The following EXT1 variants were observed in gnomAD, a reference collection of about 807,000 sequenced individuals.
EXT1 encodes exostosin-1.
In EXT1, 20 loss-of-function variants were observed where a neutral mutation model predicts 82.5. The ratio of observed to expected loss-of-function variants is 0.24; its 90% confidence interval spans 0.17 to 0.35. EXT1 has a LOEUF of 0.35. Among genes scored for constraint, EXT1 ranks in the 10% least tolerant of loss-of-function variants. The probability of loss-of-function intolerance (pLI) is 1.00; values close to 1 mark genes in which losing one functional copy is unlikely to be tolerated. For synonymous variants in EXT1, 348 were observed against 350.8 expected (o/e 0.99, Z 0.09); for missense variants, 757 against 936.5 (o/e 0.81, Z 2.50).
At chr8:117,980,139 C>A (rs905534714) in intron 1 of EXT1, among the ~76,000 whole-genome samples, 5 of 152,086 alleles carry the variant, frequency 3.3e-5, no homozygotes, top group African/African-American at 1.2e-4. Context: ...ACAGAGAATT[C>A]CACATTGCTG....
intron 1 of EXT1, among the ~76,000 whole-genome samples, chr8:117,892,873 G>C (rs774258706): frequency 2.0e-5 from 3 of 152,188 alleles, no homozygotes; most frequent in Non-Finnish European, 2.9e-5. Flanking sequence ...GCAAGGTTTT[G>C]GCCTGAGGAA....
chr8:117,823,028 C>G (rs1256377954), intron 4 of EXT1, among the ~76,000 whole-genome samples: 1 of 152,128 alleles, frequency 6.6e-6, no homozygotes, highest in Non-Finnish European at 1.5e-5. Context: ...AAACGGAAAG[C>G]ATATTCAAGA....
chr8:118,065,618 A>G (rs1400194557), intron 1 of EXT1, among the ~76,000 whole-genome samples: 1 of 152,204 alleles, frequency 6.6e-6, no homozygotes, highest in Non-Finnish European at 1.5e-5. Context: ...AAAACTGCAT[A>G]TTGTGTTGGG....
At chr8:117,838,758 T>C (rs1010539149) in intron 1 of EXT1, among the ~76,000 whole-genome samples, 2 of 152,052 alleles carry the variant, frequency 1.3e-5, no homozygotes, top group African/African-American at 4.8e-5. Flanking sequence ...GCCTAATAGA[T>C]GGAGCAGAGA....
At chr8:117,835,657 G>C (rs1280191328) in intron 2 of EXT1, 106 bp from the exon 3 acceptor site, 3 of 838,792 alleles carry the variant, frequency 3.6e-6, no homozygotes, top group Non-Finnish European at 6.1e-6. Context: ...TTTTGACACT[G>C]CATGAATCCT....
At chr8:118,009,740 C>T (rs1231438420) in intron 1 of EXT1, among the ~76,000 whole-genome samples, 1 of 152,158 alleles carries the variant, frequency 6.6e-6, no homozygotes, top group Non-Finnish European at 1.5e-5. Flanking sequence ...CTGGGTTGCA[C>T]GCTCCTTATG....
At position 118,091,702 on chromosome 8, in the gene EXT1, A is replaced by G. The variant is rs549908272; in HGVS notation, c.962+18383T>C. On this transcript the variant is annotated intron_variant, in intron 1 of 10. Coordinates refer to ENST00000378204, the MANE Select transcript of EXT1 (RefSeq NM_000127.3). The stretch of plus-strand genomic sequence containing the variant: ...GGAGCTTGCAATGAGCCAAGATCGC[A>G]CCATTGCACTCCAGCCTGGGCGACA... Among the ~76,000 whole-genome samples, 710 of 152,290 alleles carry G rather than the reference A, an allele frequency of 4.7e-3. 9 individuals are homozygous for G. Among genetic ancestry groups the G allele is most frequent in the South Asian group, 0.029 (141 of 4,818 alleles).
intron 1 of EXT1, among the ~76,000 whole-genome samples, chr8:117,868,015 G>A (rs1055053918): frequency 2.0e-5 from 3 of 152,142 alleles, no homozygotes; most frequent in South Asian, 2.1e-4. Context: ...CTTACAGCTG[G>A]AATTTCCCTT....
chr8:117,950,284 T>C (rs1391318156), intron 1 of EXT1, among the ~76,000 whole-genome samples: 1 of 152,098 alleles, frequency 6.6e-6, no homozygotes, highest in Non-Finnish European at 1.5e-5. Context: ...ACAAGGAAAG[T>C]TCTAGTAGTC....
At chr8:117,964,627 T>TG (rs1563614871) in intron 1 of EXT1, among the ~76,000 whole-genome samples, 9 of 127,544 alleles carry the variant, frequency 7.1e-5, no homozygotes, top group East Asian at 2.1e-4. Flanking sequence ...GTGTGTGTGT[T>TG]TGTTTGTTTG....
rs538695109 is a variant in EXT1, at chr8:117,817,848, G to A, written c.1632+587C>T. Among the ~76,000 whole-genome samples, 8 of 152,300 alleles carry A rather than the reference G, an allele frequency of 5.3e-5. No homozygotes were observed. The South Asian group carries it at 8.3e-4, about 16-fold the overall frequency. ...GCACTAGCAAATGGAGAAAAAGGCC[G>A]GGAGATGATCAGAAAGATAGTTCAG... On this transcript the variant is annotated intron_variant, in intron 7 of 10. Transcript: ENST00000378204.
At chr8:117,851,637 A>G (rs1363970235) in intron 1 of EXT1, among the ~76,000 whole-genome samples, 2 of 151,870 alleles carry the variant, frequency 1.3e-5, no homozygotes, top group African/African-American at 2.4e-5. Flanking sequence ...ACACACACAC[A>G]CACACACACA....
intron 1 of EXT1, among the ~76,000 whole-genome samples, chr8:117,974,580 A>G (rs1262916447): frequency 6.6e-6 from 1 of 152,026 alleles, no homozygotes; most frequent in Non-Finnish European, 1.5e-5. Flanking sequence ...CAATCCTCCC[A>G]TCTCAGCCTC....
intron 1 of EXT1, among the ~76,000 whole-genome samples, chr8:118,088,296 C>T (rs1179727228): frequency 6.6e-6 from 1 of 152,156 alleles, no homozygotes; most frequent in Non-Finnish European, 1.5e-5. Context: ...CCAGACTGCA[C>T]ATTAACTCTT....
At chr8:117,950,903 A>G in intron 1 of EXT1, among the ~76,000 whole-genome samples, 1 of 152,214 alleles carries the variant, frequency 6.6e-6, no homozygotes, top group Non-Finnish European at 1.5e-5. Flanking sequence ...TCCATGAAGA[A>G]ACAAAAATTT....
At chr8:117,817,288 G>A (rs569994971) in intron 7 of EXT1, among the ~76,000 whole-genome samples, 2 of 152,228 alleles carry the variant, frequency 1.3e-5, no homozygotes, top group South Asian at 4.2e-4. Context: ...ATTGCATTAT[G>A]TCAAACCATA....
chr8:118,043,603 T>C (rs1563638422), intron 1 of EXT1, among the ~76,000 whole-genome samples: 1 of 152,212 alleles, frequency 6.6e-6, no homozygotes, highest in Non-Finnish European at 1.5e-5. Flanking sequence ...GAACAAAAGA[T>C]AGTTGATCAC....
chr8:117,881,896 T>G (rs908073892), intron 1 of EXT1, among the ~76,000 whole-genome samples: 9 of 152,058 alleles, frequency 5.9e-5, no homozygotes, highest in Admixed American at 3.3e-4. Context: ...GCAGAAATAT[T>G]TATATTCTGC....
At chr8:118,071,755 C>G (rs1308027484) in intron 1 of EXT1, among the ~76,000 whole-genome samples, 1 of 152,080 alleles carries the variant, frequency 6.6e-6, no homozygotes, top group East Asian at 1.9e-4. Context: ...AAGACAGAAA[C>G]GTTCCTTTTC....
Sources: allele counts gnomAD v4.1 joint callset (sites outside exome capture counted in the v4.1 genomes callset), GRCh38; gene constraint gnomAD v4.1.1; transcripts MANE v1.5; gene names NCBI Gene and HGNC (gene_info 2026-07-23, HGNC 2026-07-21).